Variants in STXBP5L observed in about 807,000 individuals in gnomAD.
The protein encoded by STXBP5L is syntaxin binding protein 5L.
In STXBP5L, 65 loss-of-function variants were observed where a neutral mutation model predicts 144.5. The observed-to-expected ratio is 0.45, with a 90% CI of 0.37 to 0.55. The LOEUF (loss-of-function observed/expected upper bound fraction) is 0.55. STXBP5L is among the 20% of genes least tolerant of loss of function. STXBP5L has a pLI of 0.00. For missense variants in STXBP5L, 1,298 were observed against 1,405.5 expected, an observed-to-expected ratio of 0.92 and a Z score of 1.22; for synonymous variants, 505 against 469.6, an observed-to-expected ratio of 1.08 and a Z score of -0.97.
At chr3:121,304,580 T>C (rs1225287860) in intron 19 of STXBP5L, among the ~76,000 whole-genome samples, 1 of 152,124 alleles carries the variant, frequency 6.6e-6, no homozygotes, top group Non-Finnish European at 1.5e-5. Flanking sequence ...TCCCTAATAC[T>C]TGAAAATTAA....
chr3:121,351,060 C>T (rs200004885), intron 20 of STXBP5L, among the ~76,000 whole-genome samples: 14 of 151,804 alleles, frequency 9.2e-5, no homozygotes, highest in African/African-American at 3.4e-4. Flanking sequence ...TCCAGTTTTT[C>T]TGCTCTGTTT....
intron 23 of STXBP5L, among the ~76,000 whole-genome samples, chr3:121,409,143 T>C (rs1427408095): frequency 6.6e-6 from 1 of 151,766 alleles, no homozygotes; most frequent in Non-Finnish European, 1.5e-5. Flanking sequence ...AAAAGTTATG[T>C]CAGGAAATGA....
At chr3:121,020,276 C>G (rs924864148) in intron 3 of STXBP5L, among the ~76,000 whole-genome samples, 1 of 152,000 alleles carries the variant, frequency 6.6e-6, no homozygotes, top group East Asian at 1.9e-4. Flanking sequence ...GTTAAATGGT[C>G]AAACCGAAAA....
intron 13 of STXBP5L, among the ~76,000 whole-genome samples, chr3:121,239,640 T>C (rs1389196700): frequency 2.2e-5 from 3 of 137,050 alleles, no homozygotes; most frequent in Non-Finnish European, 4.5e-5. Context: ...TTCTCACTCA[T>C]AGGTGGGAAT....
At chr3:121,082,755 A>C (rs527923962) in intron 5 of STXBP5L, among the ~76,000 whole-genome samples, 9 of 152,354 alleles carry the variant, frequency 5.9e-5, no homozygotes, top group Admixed American at 3.3e-4. Context: ...CTATTTCTGC[A>C]TCAACTGATG....
intron 2 of STXBP5L, among the ~76,000 whole-genome samples, chr3:120,949,905 G>A (rs894770564): frequency 1.8e-4 from 27 of 151,542 alleles, no homozygotes; most frequent in Admixed American, 3.3e-4. Flanking sequence ...CCTTTATAGC[G>A]CATAAGTTTT....
chr3:121,056,167 A>G (rs2107612693), intron 5 of STXBP5L, among the ~76,000 whole-genome samples: 1 of 152,272 alleles, frequency 6.6e-6, no homozygotes, highest in East Asian at 1.9e-4. Context: ...TACGATTTTA[A>G]ACCTAAATAG....
chr3:121,169,520 A>C (rs986346643), intron 9 of STXBP5L, among the ~76,000 whole-genome samples: 3 of 152,204 alleles, frequency 2.0e-5, no homozygotes, highest in African/African-American at 7.2e-5. Context: ...GGAAAGTGGA[A>C]AAAAAGAAAA....
chr3:121,041,442 C>A lies in STXBP5L; in HGVS notation c.288-258C>A, dbSNP rs562050977. On this transcript the variant is annotated intron_variant, in intron 3 of 26. Coordinates refer to ENST00000471454, the MANE Select transcript of STXBP5L (RefSeq NM_001308330.2). ...ATGAAATGAGGTGTATCTAGATTCC[C>A]AATTCTTGTTTAACTTCATGGAAAA... 5.2e-4 allele frequency among the ~76,000 whole-genome samples: 79 copies of A among 152,012 alleles called. 2 individuals are homozygous for A. The highest frequency in any genetic ancestry group is 4.4e-5 in the Non-Finnish European group (3 of 67,950).
chr3:121,152,028 T>G (rs1462980968), intron 7 of STXBP5L, among the ~76,000 whole-genome samples: 1 of 152,018 alleles, frequency 6.6e-6, no homozygotes, highest in African/African-American at 2.4e-5. Flanking sequence ...AAAACATCAG[T>G]TTAAAATATT....
chr3:120,964,972 A>G (rs1369724227), intron 3 of STXBP5L, among the ~76,000 whole-genome samples: 3 of 152,154 alleles, frequency 2.0e-5, no homozygotes, highest in Non-Finnish European at 4.4e-5. Context: ...GGGTGCATAT[A>G]TATTTACAGT....
chr3:121,394,539 A>G (rs1419534525), intron 22 of STXBP5L, among the ~76,000 whole-genome samples: 3 of 148,818 alleles, frequency 2.0e-5, no homozygotes, highest in Non-Finnish European at 4.4e-5. Context: ...GTTGGCTATG[A>G]GTTTGTCATA....
At chr3:121,040,303 G>A (rs1947059619) in intron 3 of STXBP5L, among the ~76,000 whole-genome samples, 1 of 152,048 alleles carries the variant, frequency 6.6e-6, no homozygotes, top group South Asian at 2.1e-4. Context: ...GTACTGCTAA[G>A]CAGAACCAGA....
At chr3:121,012,500 TA>T (rs923397725) in intron 3 of STXBP5L, among the ~76,000 whole-genome samples, 1 of 151,910 alleles carries the variant, frequency 6.6e-6, no homozygotes, top group Non-Finnish European at 1.5e-5. Flanking sequence ...TGCTATTGTT[TA>T]TTTTTTTGAA....
chr3:121,186,996 G>A (rs1340750176), intron 9 of STXBP5L, among the ~76,000 whole-genome samples: 1 of 152,176 alleles, frequency 6.6e-6, no homozygotes, highest in East Asian at 1.9e-4. Flanking sequence ...CATTGTGGAA[G>A]TCAGTGTGGT....
chr3:121,192,041 C>T (rs1026384823), intron 9 of STXBP5L, among the ~76,000 whole-genome samples: 4 of 152,080 alleles, frequency 2.6e-5, no homozygotes, highest in African/African-American at 7.2e-5. Flanking sequence ...CACATGTATA[C>T]ATATGTAACA....
At chr3:121,156,379 C>A (rs765594559) in intron 8 of STXBP5L, among the ~76,000 whole-genome samples, 6 of 151,894 alleles carry the variant, frequency 4.0e-5, no homozygotes, top group Non-Finnish European at 7.4e-5. Context: ...TATTAATCTT[C>A]TCTCTCTTGC....
chr3:121,014,763 CAT>C (rs1226786049), intron 3 of STXBP5L, among the ~76,000 whole-genome samples: 4 of 152,046 alleles, frequency 2.6e-5, no homozygotes, highest in South Asian at 2.1e-4. Context: ...TGCAGATCTA[CAT>C]ATTGATTATG....
rs2047771517 is a variant in STXBP5L at position 121,193,173 on chromosome 3, A to T, written c.878-12750A>T. 1.4e-5 allele frequency among the ~76,000 whole-genome samples: 2 copies of T among 143,116 alleles called. 1 individual carries two copies. Among genetic ancestry groups the T allele is most frequent in the South Asian group, 4.9e-4 (2 of 4,096 alleles). The allele number at this position is 143,116 out of a possible 152,430, so 93.9% of individuals were successfully genotyped here. A position where few individuals can be genotyped will look rare whatever the true frequency, so the allele number is the denominator to read the frequency against. ...AAAAAGTGGGCAAAGATATGAACAG[A>T]CACTTCTCAAAAAAAGACACCTATG... is the stretch of plus-strand genomic sequence containing the variant. On this transcript the variant is annotated intron_variant, in intron 9 of 26. Transcript: ENST00000471454.
Sources: allele counts gnomAD v4.1 joint callset (sites outside exome capture counted in the v4.1 genomes callset), GRCh38; gene constraint gnomAD v4.1.1; transcripts MANE v1.5; gene names NCBI Gene and HGNC (gene_info 2026-07-23, HGNC 2026-07-21).